The following CSMD1 variants were observed in gnomAD, a reference collection of about 807,000 sequenced individuals.
CSMD1 encodes the protein CUB and Sushi multiple domains 1.
In CSMD1, 213 loss-of-function variants were observed where a neutral mutation model predicts 417.5. That is an observed-to-expected ratio of 0.51 (90% CI 0.46 to 0.57). The LOEUF (loss-of-function observed/expected upper bound fraction) is 0.57, where lower values mean the gene tolerates loss of function less well. CSMD1 is among the 20% of genes least tolerant of loss of function. CSMD1 has a pLI of 0.00. For synonymous variants in CSMD1, 2,862 were observed against 1,736.8 expected, an observed-to-expected ratio of 1.65 and a Z score of -16.11; for missense variants, 6,923 against 4,529.7, an observed-to-expected ratio of 1.53 and a Z score of -15.17.
At chr8:4,691,960 C>G (rs1806795012) in intron 1 of CSMD1, among the ~76,000 whole-genome samples, 1 of 152,210 alleles carries the variant, frequency 6.6e-6, no homozygotes, top group Non-Finnish European at 1.5e-5. Context: ...AACTGCAGCT[C>G]TCGTTTTATG....
chr8:3,864,252 A>G (rs1302986689), intron 5 of CSMD1, among the ~76,000 whole-genome samples: 2 of 152,206 alleles, frequency 1.3e-5, no homozygotes, highest in East Asian at 3.9e-4. Flanking sequence ...TGTTAAAATT[A>G]AACTCCTGTG....
rs190384660 is a variant in CSMD1 at position 4,803,927 on chromosome 8, A to C, written c.86-166369T>G. Among the ~76,000 whole-genome samples the C allele has an allele frequency of 2.7e-4, 41 of 152,296 alleles. No individual in the cohort carries two copies. In the East Asian group the frequency reaches 6.8e-3, roughly 25 times the overall value. On this transcript the variant is annotated intron_variant, in intron 1 of 69. Coordinates refer to ENST00000635120, the MANE Select transcript of CSMD1 (RefSeq NM_033225.6). ...AGCAGCTAGCCCACAGAGCCTCCATAAATACGATGGGCATTCATGCAAGAC... is the reference window on the plus strand; with the variant it reads ...AGCAGCTAGCCCACAGAGCCTCCATCAATACGATGGGCATTCATGCAAGAC...
chr8:4,928,236 C>T (rs896064080), intron 1 of CSMD1, among the ~76,000 whole-genome samples: 8 of 152,180 alleles, frequency 5.3e-5, no homozygotes, highest in Non-Finnish European at 1.2e-4. Context: ...CTCTTGCTTC[C>T]ACTGGATCTC....
At chr8:4,154,358 G>A (rs1219239358) in intron 3 of CSMD1, among the ~76,000 whole-genome samples, 2 of 152,212 alleles carry the variant, frequency 1.3e-5, no homozygotes, top group African/African-American at 2.4e-5. Flanking sequence ...TCAAGCAAAT[G>A]TCCATGTTTT....
chr8:4,240,043 A>G (rs1802297343), intron 3 of CSMD1, among the ~76,000 whole-genome samples: 1 of 152,262 alleles, frequency 6.6e-6, no homozygotes, highest in Non-Finnish European at 1.5e-5. Context: ...TCTTGACAAG[A>G]AAATCATGCA....
chr8:4,452,944 G>C (rs982003944), intron 2 of CSMD1, among the ~76,000 whole-genome samples: 4 of 152,148 alleles, frequency 2.6e-5, no homozygotes, highest in Non-Finnish European at 5.9e-5. Context: ...TAGTTAAATA[G>C]CGTTGATTTT....
intron 3 of CSMD1, among the ~76,000 whole-genome samples, chr8:4,345,285 G>A (rs748504247): frequency 1.4e-4 from 21 of 152,204 alleles, no homozygotes; most frequent in Non-Finnish European, 2.9e-4. Flanking sequence ...TTTCTATGAG[G>A]ATTAACGATG....
chr8:4,192,270 CTAGA>C (rs749261382), intron 3 of CSMD1, among the ~76,000 whole-genome samples: 2 of 152,126 alleles, frequency 1.3e-5, no homozygotes, highest in African/African-American at 2.4e-5. Context: ...AGATGACTGT[CTAGA>C]TAATAATTTT....
intron 6 of CSMD1, among the ~76,000 whole-genome samples, chr8:3,724,174 A>G (rs555983030): frequency 7.0e-6 from 1 of 143,004 alleles, no homozygotes; most frequent in East Asian, 2.1e-4. Context: ...AAAATAGAAA[A>G]CAATGCTACC....
chr8:4,082,482 T>C lies in CSMD1; in HGVS notation c.416-50383A>G, dbSNP rs528078286. ...CCTAAGTAGTTCTAGGAGATTAACG[T>C]AATTTTGATAACAAAGTCTGTCAAA... is the stretch of plus-strand genomic sequence containing the variant. On this transcript the variant is annotated intron_variant, in intron 3 of 69. Coordinates refer to ENST00000635120, the MANE Select transcript of CSMD1 (RefSeq NM_033225.6). Among the ~76,000 whole-genome samples, 8 of 152,246 alleles carry C rather than the reference T, an allele frequency of 5.3e-5. 1 individual carries two copies. In the South Asian group the frequency reaches 8.3e-4, roughly 16 times the overall value.
At chr8:3,540,112 G>T (rs1196817338) in intron 10 of CSMD1, among the ~76,000 whole-genome samples, 2 of 152,046 alleles carry the variant, frequency 1.3e-5, no homozygotes, top group East Asian at 3.9e-4. Flanking sequence ...TTGTAGACTT[G>T]TTTACGGTCA....
At position 3,580,395 on chromosome 8, in the gene CSMD1, T is replaced by C. The variant is rs1457367473; in HGVS notation, c.1223-5329A>G. Among the ~76,000 whole-genome samples, 5 of 151,990 alleles carry C rather than the reference T, an allele frequency of 3.3e-5. No homozygotes were observed. The East Asian group carries it at 7.7e-4, about 23-fold the overall frequency. On this transcript the variant is annotated intron_variant, in intron 9 of 69. Transcript: ENST00000635120. Reference sequence around the variant, plus strand: ...ATAAATGGACAGTCACAGGGATACCTGGGGGGAGGCGGATACTCCAGAGAG... The same window carrying C: ...ATAAATGGACAGTCACAGGGATACCCGGGGGGAGGCGGATACTCCAGAGAG...
intron 7 of CSMD1, among the ~76,000 whole-genome samples, chr8:3,695,151 G>C (rs58910976): frequency 6.7e-6 from 1 of 149,510 alleles, no homozygotes; most frequent in Non-Finnish European, 1.5e-5. Context: ...GATATTGCAG[G>C]AGCACAGGGG....
chr8:4,084,642 T>A (rs746362464), intron 3 of CSMD1, among the ~76,000 whole-genome samples: 1 of 152,152 alleles, frequency 6.6e-6, no homozygotes, highest in Non-Finnish European at 1.5e-5. Flanking sequence ...CCCTCTTTAG[T>A]GATGGCACAA....
chr8:4,429,168 A>C (rs934887767), intron 2 of CSMD1, among the ~76,000 whole-genome samples: 2 of 150,654 alleles, frequency 1.3e-5, no homozygotes, highest in African/African-American at 4.9e-5. Context: ...TATAATATAT[A>C]TTTATATAAT....
At chr8:3,081,275 A>G (rs1041878599) in intron 49 of CSMD1, among the ~76,000 whole-genome samples, 1 of 152,198 alleles carries the variant, frequency 6.6e-6, no homozygotes, top group Non-Finnish European at 1.5e-5. Context: ...AGAAGAACGA[A>G]TGTCCTTTAT....
intron 2 of CSMD1, among the ~76,000 whole-genome samples, chr8:4,455,611 T>C (rs184531669): frequency 6.6e-6 from 1 of 151,994 alleles, no homozygotes; most frequent in Non-Finnish European, 1.5e-5. Context: ...AATCATCTTA[T>C]TTTCTCTTTC....
At chr8:3,033,287 A>G (rs13280616) in intron 50 of CSMD1, among the ~76,000 whole-genome samples, 29,946 of 152,038 alleles carry the variant, frequency 0.2, 3,776 homozygotes, top group Non-Finnish European at 0.27. Context: ...AATATGATAA[A>G]ATTGTTGATA....
At chr8:3,335,272 C>A (rs1236636536) in intron 23 of CSMD1, among the ~76,000 whole-genome samples, 4 of 152,192 alleles carry the variant, frequency 2.6e-5, no homozygotes, top group Non-Finnish European at 5.9e-5. Flanking sequence ...ACCTCTCAGT[C>A]ACTGTGATGA....
Sources: gnomAD v4.1 joint callset for allele counts (sites outside exome capture counted in the v4.1 genomes callset) on GRCh38, gnomAD v4.1.1 for gene constraint, MANE v1.5 for transcripts, NCBI Gene and HGNC (gene_info 2026-07-23, HGNC 2026-07-21) for gene names.